The following STEAP4 variants were observed in gnomAD, a reference collection of about 807,000 sequenced individuals.
STEAP4 encodes the protein STEAP4 metalloreductase, also known as metalloreductase STEAP4.
STEAP4 carries 36 observed loss-of-function variants against 43.6 expected under a neutral mutation model. That is an observed-to-expected ratio of 0.83 (90% CI 0.63 to 1.09). The LOEUF (loss-of-function observed/expected upper bound fraction) is 1.09, where lower values mean the gene tolerates loss of function less well. STEAP4 is among the 50% of genes least tolerant of loss of function. STEAP4 has a pLI of 0.00. For missense variants in STEAP4, 495 were observed against 546.5 expected, an observed-to-expected ratio of 0.91 and a Z score of 0.94; for synonymous variants, 191 against 196.7, an observed-to-expected ratio of 0.97 and a Z score of 0.24.
intron 1 of STEAP4, among the ~76,000 whole-genome samples, chr7:88,295,259 G>A (rs1327593622): frequency 2.0e-5 from 3 of 152,146 alleles, no homozygotes; most frequent in African/African-American, 7.2e-5. Flanking sequence ...TGTTTTCCTA[G>A]CACCCTTTCC....
At position 88,279,687 on chromosome 7, in the gene STEAP4, C is replaced by G. The variant is rs1852583615; in HGVS notation, c.1150-59G>C. 9 of 1,372,792 alleles carry G rather than the reference C, an allele frequency of 6.6e-6. No individual in the cohort carries two copies. The South Asian group carries it at 1.0e-4, about 16-fold the overall frequency. 85.0% of individuals were successfully genotyped at this position (1,372,792 alleles called of 1,614,324 possible). A position where few individuals can be genotyped will look rare whatever the true frequency, so the allele number is the denominator to read the frequency against. On this transcript the variant is annotated intron_variant, in intron 4 of 4. Transcript: ENST00000380079. ...ATTATTTACATCTTAAAGTGAAACA[C>G]TCTAAGCCAGTGACAGATATTTGTC... is the stretch of plus-strand genomic sequence containing the variant.
At chr7:88,304,166 C>T (rs1853087915) in intron 1 of STEAP4, 3 of 152,054 alleles carry the variant, frequency 2.0e-5, no homozygotes, top group African/African-American at 7.3e-5. Context: ...AGGGGAACAT[C>T]ACACTCTGGG....
rs1355085956 is a variant in STEAP4, at chr7:88,277,690, T to C, written c.*1708A>G. 1 of 152,108 alleles carries C rather than the reference T, an allele frequency of 6.6e-6. No homozygotes were observed. Among genetic ancestry groups the C allele is most frequent in the Non-Finnish European group, 1.5e-5 (1 of 68,034 alleles). 9.4% of individuals were successfully genotyped at this position (152,108 alleles called of 1,614,324 possible). The stretch of plus-strand genomic sequence containing the variant: ...GCCTGACCAATGTGGTGAAACCCTG[T>C]CTCTACTAAAAGTACAAAAATTAGC... On this transcript the variant is annotated 3_prime_UTR_variant, in exon 5 of 5. Coordinates refer to ENST00000380079, the MANE Select transcript of STEAP4 (RefSeq NM_024636.4).
chr7:88,280,096 AT>A (rs1299651444), intron 4 of STEAP4, among the ~76,000 whole-genome samples: 1 of 152,222 alleles, frequency 6.6e-6, no homozygotes, highest in African/African-American at 2.4e-5. Flanking sequence ...TTCAGCCTAC[AT>A]TTTAAAGCTT....
intron 1 of STEAP4, among the ~76,000 whole-genome samples, chr7:88,297,581 A>G (rs1852943876): frequency 6.6e-6 from 1 of 152,172 alleles, no homozygotes. Flanking sequence ...TTTGGGACAC[A>G]TTTGTACTAA....
At chr7:88,293,046 T>C (rs772901411) in intron 1 of STEAP4, 1 of 152,216 alleles carries the variant, frequency 6.6e-6, no homozygotes, top group Non-Finnish European at 1.5e-5. Flanking sequence ...GGGATACAAA[T>C]TCTGGGTCAT....
rs1852686460 is a variant in STEAP4 at position 88,284,277 on chromosome 7, AAAT to A, written c.-2-9_-2-7del. ...TATACAAGTTTTCTCCATAACTGAA[AAAT>A]AATAACACAAATGCCCAACAAAATA... On this transcript the variant is annotated splice_region_variant and splice_polypyrimidine_tract_variant and intron_variant, in intron 1 of 4. Coordinates refer to ENST00000380079, the MANE Select transcript of STEAP4 (RefSeq NM_024636.4). 3 of 1,543,590 alleles carry A rather than the reference AAAT, an allele frequency of 1.9e-6. No individual in the cohort carries two copies. Among genetic ancestry groups the A allele is most frequent in the Non-Finnish European group, 2.6e-6 (3 of 1,144,680 alleles).
intron 1 of STEAP4, among the ~76,000 whole-genome samples, chr7:88,301,278 G>C (rs1311547835): frequency 1.3e-5 from 2 of 152,120 alleles, no homozygotes; most frequent in Non-Finnish European, 2.9e-5. Flanking sequence ...TACTGGAGAA[G>C]AGCATATCAT....
At chr7:88,279,848 CA>C (rs1412198884) in intron 4 of STEAP4, among the ~76,000 whole-genome samples, 1 of 152,202 alleles carries the variant, frequency 6.6e-6, no homozygotes, top group Admixed American at 6.5e-5. Flanking sequence ...ATAGTAGCTT[CA>C]CCTTAACCTA....
At position 88,300,222 on chromosome 7, in the gene STEAP4, T is replaced by G. The variant is rs953795225; in HGVS notation, c.-3+6570A>C. ...TTTCAAGGTTTTTATTTTATTTTAG[T>G]TTTTGAGACATACTCTTGCTCTGTC... On this transcript the variant is annotated intron_variant, in intron 1 of 4. Coordinates refer to ENST00000380079, the MANE Select transcript of STEAP4 (RefSeq NM_024636.4). 2.6e-5 allele frequency among the ~76,000 whole-genome samples: 4 copies of G among 152,226 alleles called. No homozygotes were observed. The East Asian group carries it at 7.7e-4, about 29-fold the overall frequency.
chr7:88,288,778 A>C (rs1429694276), intron 1 of STEAP4, among the ~76,000 whole-genome samples: 1 of 152,220 alleles, frequency 6.6e-6, no homozygotes, highest in Non-Finnish European at 1.5e-5. Flanking sequence ...AAGGAAATAT[A>C]TAAAAGACTT....
intron 1 of STEAP4, 118 bp downstream of exon 1, chr7:88,306,674 A>T (rs1853140343): frequency 6.6e-6 from 1 of 152,504 alleles, no homozygotes; most frequent in Non-Finnish European, 1.5e-5. Context: ...CGCGGCGGGG[A>T]GTTTGCAAGC....
chr7:88,290,570 A>C (rs1852818728), intron 1 of STEAP4: 1 of 152,202 alleles, frequency 6.6e-6, no homozygotes, highest in Non-Finnish European at 1.5e-5. Flanking sequence ...CTAGTATCTA[A>C]ATAGGCATCT....
chr7:88,291,368 T>G (rs552282960), intron 1 of STEAP4, among the ~76,000 whole-genome samples: 1 of 151,982 alleles, frequency 6.6e-6, no homozygotes, highest in South Asian at 2.1e-4. Flanking sequence ...ACACTTGTAA[T>G]TCCAGCTATT....
intron 1 of STEAP4, among the ~76,000 whole-genome samples, chr7:88,300,932 C>A (rs1389696257): frequency 6.6e-6 from 1 of 152,186 alleles, no homozygotes; most frequent in Admixed American, 6.5e-5. Context: ...AGGTTCCAGA[C>A]CCTCTCTACC....
chr7:88,290,629 A>T (rs1483410370), intron 1 of STEAP4, among the ~76,000 whole-genome samples: 1 of 152,200 alleles, frequency 6.6e-6, no homozygotes, highest in East Asian at 1.9e-4. Context: ...AAATTTCTAT[A>T]CATCTCCAGA....
chr7:88,292,543 C>T (rs1852852212), intron 1 of STEAP4: 1 of 152,146 alleles, frequency 6.6e-6, no homozygotes, highest in Non-Finnish European at 1.5e-5. Flanking sequence ...CACCCAGTTT[C>T]CTCCAGTTTT....
chr7:88,301,179 T>G (rs186184937), intron 1 of STEAP4, among the ~76,000 whole-genome samples: 1 of 152,362 alleles, frequency 6.6e-6, no homozygotes, highest in East Asian at 1.9e-4. Flanking sequence ...ACCAACCAGC[T>G]AATTGCTTTC....
intron 1 of STEAP4, chr7:88,298,466 A>AACGAACAC (rs1554543524): frequency 7.1e-6 from 1 of 141,386 alleles, no homozygotes; most frequent in Non-Finnish European, 1.5e-5. Context: ...GGTTCTTGTA[A>AACGAACAC]ACACACACAC....
Sources: allele counts gnomAD v4.1 joint callset (sites outside exome capture counted in the v4.1 genomes callset), GRCh38; gene constraint gnomAD v4.1.1; transcripts MANE v1.5; gene names NCBI Gene and HGNC (gene_info 2026-07-23, HGNC 2026-07-21).